PARP1: variants seen among roughly 807,000 people sequenced by gnomAD.
PARP1 encodes poly [ADP-ribose] polymerase 1.
In PARP1, 44 loss-of-function variants were observed where a neutral mutation model predicts 118.7. The observed-to-expected ratio is 0.37, with a 90% CI of 0.29 to 0.48. The LOEUF is 0.48. Ranked by LOEUF, PARP1 falls within the 20% of genes least tolerant of loss-of-function variation. The pLI is 0.99. For missense variants in PARP1, 1,100 were observed against 1,272.4 expected, an observed-to-expected ratio of 0.86 and a Z score of 2.06; for synonymous variants, 492 against 483.2, an observed-to-expected ratio of 1.02 and a Z score of -0.24.
At chr1:226,380,805 T>C (rs1248499639) in intron 9 of PARP1, among the ~76,000 whole-genome samples, 3 of 152,172 alleles carry the variant, frequency 2.0e-5, no homozygotes, top group Non-Finnish European at 2.9e-5. Flanking sequence ...TTTGAGGCAA[T>C]TTGTTTGGGC....
At chr1:226,396,112 G>A (rs1250697258) in intron 2 of PARP1, among the ~76,000 whole-genome samples, 1 of 152,194 alleles carries the variant, frequency 6.6e-6, no homozygotes, top group Non-Finnish European at 1.5e-5. Context: ...TTGGGAGGCC[G>A]AGGCAGGTAG....
intron 14 of PARP1, chr1:226,370,766 C>A (rs145714057): frequency 8.8e-4 from 489 of 555,084 alleles, no homozygotes; most frequent in Admixed American, 1.3e-3. Context: ...TCTCCTCTGC[C>A]CCTATGCCCA....
At position 226,377,317 on chromosome 1, in the gene PARP1, G is replaced by C; in HGVS notation, c.1746-14C>G. On this transcript the variant is annotated splice_polypyrimidine_tract_variant and intron_variant, in intron 12 of 22. Transcript: ENST00000366794. ...AATATCCAATACCTGCAGTGGGAAG[G>C]AGGGTGTCAGATACACATGTGTGGG... The C allele has an allele frequency of 6.2e-7, 1 of 1,606,016 alleles. No homozygotes were observed. The highest frequency in any genetic ancestry group is 8.5e-7 in the Non-Finnish European group (1 of 1,172,704).
chr1:226,390,808 C>T (rs1466686018), intron 3 of PARP1, among the ~76,000 whole-genome samples, 184 bp from the exon 4 acceptor site: 1 of 152,082 alleles, frequency 6.6e-6, no homozygotes, highest in East Asian at 1.9e-4. Context: ...TTGTGTGTTA[C>T]CCACCCTCAA....
intron 6 of PARP1, 68 bp downstream of exon 6, chr1:226,386,258 G>C (rs1664713709): frequency 1.1e-6 from 1 of 913,202 alleles, no homozygotes; most frequent in Non-Finnish European, 1.8e-6. Flanking sequence ...CACTCCATTG[G>C]GACAGTCACT....
chr1:226,407,725 T>C (rs2102750144), intron 1 of PARP1, 85 bp downstream of exon 1: 1 of 978,392 alleles, frequency 1.0e-6, no homozygotes, highest in Non-Finnish European at 1.4e-6. Flanking sequence ...GCTCGCTCCC[T>C]GGGCCCGCCC....
chr1:226,394,436 T>C (rs1165586792), intron 2 of PARP1, among the ~76,000 whole-genome samples: 1 of 152,194 alleles, frequency 6.6e-6, no homozygotes, highest in Non-Finnish European at 1.5e-5. Flanking sequence ...GTATGTGCAA[T>C]TGAAGCAACC....
intron 15 of PARP1, among the ~76,000 whole-genome samples, chr1:226,370,006 C>T (rs1355888324): frequency 1.4e-5 from 2 of 146,058 alleles, no homozygotes; most frequent in African/African-American, 2.5e-5. Flanking sequence ...AAAAAAATCT[C>T]AGGATGCGAG....
chr1:226,374,428 G>C, intron 13 of PARP1, 74 bp from the exon 14 acceptor site: 1 of 1,567,630 alleles, frequency 6.4e-7, no homozygotes, highest in South Asian at 1.1e-5. Flanking sequence ...TGTGGGGCTG[G>C]ACTGCAGACA....
In PARP1 at chr1:226,392,314, C is replaced by T; in HGVS notation, c.287G>A (p.Gly96Asp). 2 of 1,610,470 alleles carry T rather than the reference C, an allele frequency of 1.2e-6. No individual in the cohort carries two copies. Among genetic ancestry groups the T allele is most frequent in the Non-Finnish European group, 1.7e-6 (2 of 1,176,930 alleles). ...KKTAEAGGVT[G>D]KGQDGIGSKA... is the part of the protein sequence containing the mutation. ...GCTACCAATTCCATCCTGGCCTTTG[C>T]CTGGAGAATCAAACAGACAGCAATG... Residue 96 changes from glycine (G) to aspartate (D), a missense_variant and splice_region_variant, in exon 3 of 23, where the codon GGC becomes GAC. Coordinates refer to ENST00000366794, the MANE Select transcript of PARP1 (RefSeq NM_001618.4).
At position 226,381,080 on chromosome 1, in the gene PARP1, T is replaced by C. The variant is rs759654202; in HGVS notation, c.1288A>G (p.Ile430Val). ...AGATTCAACTCACTTTTGGTGCTGATGCACAGGGAAGCCTTGTTGGCCGTC... is the reference window on the plus strand; with the variant it reads ...AGATTCAACTCACTTTTGGTGCTGACGCACAGGGAAGCCTTGTTGGCCGTC... ...TGTANKASLC[I>V]STKKEVEKMN... Residue 430 changes from isoleucine to valine, a missense_variant, in exon 9 of 23, where the codon ATC (isoleucine) becomes GTC (valine). Physicochemically the swap from Ile to Val is conservative, Grantham distance 29 (BLOSUM62 3). Transcript: ENST00000366794. The C allele has an allele frequency of 3.1e-6, 5 of 1,614,134 alleles. No homozygotes were observed. Among genetic ancestry groups the C allele is most frequent in the Admixed American group, 1.7e-5 (1 of 60,012 alleles).
At chr1:226,366,979 T>G in intron 17 of PARP1, 4 of 192,322 alleles carry the variant, frequency 2.1e-5, no homozygotes, top group East Asian at 1.3e-4. Flanking sequence ...CTAAGCGGGG[T>G]GTTCAGAGAC....
In PARP1 at chr1:226,363,960, T is replaced by C. The variant is rs1664202639; in HGVS notation, c.2769A>G (p.Glu923=). The change falls in exon 20 of 23, where the codon GAA becomes GAG. Residue 923 remains glutamate (E), a synonymous_variant. Coordinates refer to ENST00000366794, the MANE Select transcript of PARP1 (RefSeq NM_001618.4). ...TTACTCACATGTTTCCAAGGGCAAC[T>C]TCTCCCAACAGGATTAAGCCTATTG... ...GDPIGLILLG[E]VALGNMYELK... is the part of the protein sequence containing the mutation. 3 of 1,613,886 alleles carry C rather than the reference T, an allele frequency of 1.9e-6. No homozygotes were observed. Among genetic ancestry groups the C allele is most frequent in the Admixed American group, 1.7e-5 (1 of 60,004 alleles).
chr1:226,376,218 T>G (rs1347933037), intron 13 of PARP1, among the ~76,000 whole-genome samples: 1 of 152,190 alleles, frequency 6.6e-6, no homozygotes. Flanking sequence ...CAGATCTTTT[T>G]GTAAAATAAA....
At chr1:226,390,693 C>T in intron 3 of PARP1, 69 bp from the exon 4 acceptor site, 2 of 1,432,394 alleles carry the variant, frequency 1.4e-6, no homozygotes, top group Non-Finnish European at 1.9e-6. Context: ...TACGGGCAGC[C>T]TGTGCTCCAG....
rs1664511573 is a variant in PARP1 at position 226,377,290 on chromosome 1, T to C, written c.1759A>G (p.Arg587Gly). ...ACCGTACCCACACGGCCCCAGGACC[T>C]GAATATCCAATACCTGCAGTGGGAA... is the stretch of plus-strand genomic sequence containing the variant. ...DDKENRYWIF[R>G]SWGRVGTVIG... The change falls in exon 13 of 23, where the codon AGG (arginine) becomes GGG (glycine). Residue 587 changes from arginine (R) to glycine (G), a missense_variant. This residue lies in a region of PARP1 where 948 missense variants were observed against 1,031.8 expected (regional missense o/e 0.92). Coordinates refer to ENST00000366794, the MANE Select transcript of PARP1 (RefSeq NM_001618.4). The C allele has an allele frequency of 6.2e-7, 1 of 1,613,724 alleles. No individual in the cohort carries two copies. The highest frequency in any genetic ancestry group is 2.2e-5 in the East Asian group (1 of 44,870).
intron 14 of PARP1, 71 bp downstream of exon 14, chr1:226,374,155 A>G (rs1664446598): frequency 1.9e-6 from 3 of 1,555,708 alleles, no homozygotes; most frequent in Admixed American, 1.7e-5. Context: ...ACAGGCAGAC[A>G]GCTCTTCACT....
intron 16 of PARP1, 72 bp from the exon 17 acceptor site, chr1:226,367,680 A>G: frequency 6.4e-7 from 1 of 1,572,048 alleles, no homozygotes; most frequent in Non-Finnish European, 8.7e-7. Flanking sequence ...GGTGGCAGAG[A>G]AAACCTACAT....
chr1:226,371,576 C>G (rs1664383004), intron 14 of PARP1, among the ~76,000 whole-genome samples: 1 of 152,142 alleles, frequency 6.6e-6, no homozygotes, highest in African/African-American at 2.4e-5. Flanking sequence ...TGATTTCTGG[C>G]AAGAATTAAG....
Sources: allele counts gnomAD v4.1 joint callset (sites outside exome capture counted in the v4.1 genomes callset), GRCh38; gene constraint gnomAD v4.1.1; regional missense constraint gnomAD v4.1.1; transcripts MANE v1.5; gene names NCBI Gene and HGNC (gene_info 2026-07-23, HGNC 2026-07-21).